RAD17: variants seen among roughly 807,000 people sequenced by gnomAD.
RAD17 encodes RAD17 checkpoint clamp loader component, also known as cell cycle checkpoint protein RAD17.
A neutral mutation model predicts 81.5 loss-of-function variants in RAD17; 31 were observed. The observed-to-expected ratio is 0.38, with a 90% CI of 0.29 to 0.51. The LOEUF (loss-of-function observed/expected upper bound fraction) is 0.51. RAD17 is among the 20% of genes least tolerant of loss of function. The pLI, the probability that RAD17 is intolerant of heterozygous loss-of-function variation, is 0.88. For missense variants in RAD17, 681 were observed against 781.2 expected, an observed-to-expected ratio of 0.87 and a Z score of 1.53; for synonymous variants, 261 against 266.2, an observed-to-expected ratio of 0.98 and a Z score of 0.19.
At chr5:69,398,534 C>G (rs1012633164) in intron 16 of RAD17, among the ~76,000 whole-genome samples, 8 of 151,950 alleles carry the variant, frequency 5.3e-5, no homozygotes, top group Admixed American at 3.9e-4. Context: ...CGGCTGGGCG[C>G]TGTGACTCAC....
chr5:69,390,797 A>AAT (rs4066044), intron 12 of RAD17, among the ~76,000 whole-genome samples: 233 of 150,634 alleles, frequency 1.5e-3, no homozygotes, highest in African/African-American at 5.3e-3. Flanking sequence ...TCTAATTAAA[A>AAT]ATATATATAT....
chr5:69,371,493 G>A lies in RAD17; in HGVS notation c.-240G>A. Reference sequence around the variant, plus strand: ...AATGTACTGCAAGTCCTAAACTACGGATGGGAACTATTACAGTTTATAATG... The same window carrying A: ...AATGTACTGCAAGTCCTAAACTACGAATGGGAACTATTACAGTTTATAATG... On this transcript the variant is annotated 5_prime_UTR_variant, in exon 3 of 19. Coordinates refer to ENST00000354868, the MANE Select transcript of RAD17 (RefSeq NM_133338.3). 7.2e-7 allele frequency: 1 copy of A among 1,387,062 alleles called. No homozygotes were observed. Among genetic ancestry groups the A allele is most frequent in the Admixed American group, 2.3e-5 (1 of 43,128 alleles). 85.9% of individuals were successfully genotyped at this position (1,387,062 alleles called of 1,614,324 possible).
chr5:69,369,848 G>C lies in RAD17; in HGVS notation c.-502G>C. 1.3e-6 allele frequency: 1 copy of C among 774,424 alleles called. No individual in the cohort carries two copies. The highest frequency in any genetic ancestry group is 2.7e-5 in the East Asian group (1 of 36,382). The allele number at this position is 774,424 out of a possible 1,614,324, so 48.0% of individuals were successfully genotyped here. ...TCCGAGAGGCTCGGCGTTGAGCCCGGGTAGGGCCAGGTGGCTGCCCTTTCA... is the reference window on the plus strand; with the variant it reads ...TCCGAGAGGCTCGGCGTTGAGCCCGCGTAGGGCCAGGTGGCTGCCCTTTCA... On this transcript the variant is annotated 5_prime_UTR_variant, in exon 1 of 19. Transcript: ENST00000354868.
chr5:69,386,396 T>A lies in RAD17; in HGVS notation c.825T>A (p.Ser275Arg). 6.3e-7 allele frequency: 1 copy of A among 1,597,354 alleles called. No individual in the cohort carries two copies. The highest frequency in any genetic ancestry group is 8.5e-7 in the Non-Finnish European group (1 of 1,174,052). Reference sequence around the variant, plus strand: ...TGCTATCTTTCTTTATAAAACTTAGTTTCAACCCTGTGGCACCAACAATTA... The same window carrying A: ...TGCTATCTTTCTTTATAAAACTTAGATTCAACCCTGTGGCACCAACAATTA... ...IQEECSISNI[S>R]FNPVAPTIMM... is the part of the protein sequence containing the mutation. The change falls in exon 11 of 19, where the codon AGT (serine) becomes AGA (arginine). Residue 275 changes from serine (S) to arginine (R), a missense_variant and splice_region_variant. Transcript: ENST00000354868.
intron 11 of RAD17, 93 bp from the exon 12 acceptor site, chr5:69,388,941 T>C: frequency 1.6e-6 from 1 of 630,018 alleles, no homozygotes; most frequent in Non-Finnish European, 2.5e-6. Flanking sequence ...GAATCTAATT[T>C]ACGTTAATTA....
intron 17 of RAD17, among the ~76,000 whole-genome samples, chr5:69,401,937 G>A (rs1561269654): frequency 2.1e-5 from 3 of 144,420 alleles, no homozygotes; most frequent in Admixed American, 1.4e-4. Context: ...CTGGGAGGCG[G>A]AGCTTGCAGT....
At position 69,371,160 on chromosome 5, in the gene RAD17, T is replaced by C. The variant is rs1324609491; in HGVS notation, c.-291T>C. The stretch of plus-strand genomic sequence containing the variant: ...TTGCTCAAATAGAATTGCCTGATTT[T>C]AATGACAAAAGGTAAGTACATAGTA... On this transcript the variant is annotated 5_prime_UTR_variant, in exon 2 of 19. Coordinates refer to ENST00000354868, the MANE Select transcript of RAD17 (RefSeq NM_133338.3). The C allele has an allele frequency of 2.0e-6, 1 of 498,946 alleles. No homozygotes were observed. The highest frequency in any genetic ancestry group is 3.9e-6 in the Non-Finnish European group (1 of 258,304). The allele number at this position is 498,946 out of a possible 1,614,324, so 30.9% of individuals were successfully genotyped here. A position where few individuals can be genotyped will look rare whatever the true frequency, so the allele number is the denominator to read the frequency against.
chr5:69,390,054 T>C (rs1159279834), intron 12 of RAD17, among the ~76,000 whole-genome samples: 1 of 152,196 alleles, frequency 6.6e-6, no homozygotes, highest in East Asian at 1.9e-4. Flanking sequence ...TGTAGAAAGA[T>C]GTAGTAAAAA....
At chr5:69,412,668 T>G (rs1766082284) in intron 18 of RAD17, among the ~76,000 whole-genome samples, 1 of 152,124 alleles carries the variant, frequency 6.6e-6, no homozygotes, top group South Asian at 2.1e-4. Flanking sequence ...CCACTGGGTT[T>G]TAAAAGTATC....
chr5:69,381,498 A>C (rs1420987580), intron 6 of RAD17, among the ~76,000 whole-genome samples: 1 of 152,000 alleles, frequency 6.6e-6, no homozygotes, highest in African/African-American at 2.4e-5. Context: ...AAAAAGAATA[A>C]ATTTTATGAG....
rs377383013 is a variant in RAD17 at position 69,386,926 on chromosome 5, C to CTT, written c.894+475_894+476dup. Among the ~76,000 whole-genome samples, 184 of 138,518 alleles carry CTT rather than the reference C, an allele frequency of 1.3e-3. 3 individuals are homozygous for CTT. Among genetic ancestry groups the CTT allele is most frequent in the East Asian group, 2.5e-3 (12 of 4,812 alleles). 90.9% of individuals were successfully genotyped at this position (138,518 alleles called of 152,430 possible). A position where few individuals can be genotyped will look rare whatever the true frequency, so the allele number is the denominator to read the frequency against. On this transcript the variant is annotated intron_variant, in intron 11 of 18. Coordinates refer to ENST00000354868, the MANE Select transcript of RAD17 (RefSeq NM_133338.3). ...TTACATTCATATACAGCTGTTGTCA[C>CTT]TTTTTTTTTTTTTTTGGAGACAGGG...
At chr5:69,401,839 A>AC (rs1289195963) in intron 17 of RAD17, among the ~76,000 whole-genome samples, 23 of 120,466 alleles carry the variant, frequency 1.9e-4, no homozygotes, top group Non-Finnish European at 3.4e-4. Flanking sequence ...TACAAAAAAA[A>AC]CCCACAAAAA....
At chr5:69,410,128 T>C (rs886418812) in intron 17 of RAD17, among the ~76,000 whole-genome samples, 7 of 152,210 alleles carry the variant, frequency 4.6e-5, no homozygotes, top group Admixed American at 1.3e-4. Context: ...CATACAAATA[T>C]CTTTTTGAGA....
chr5:69,370,012 G>C (rs1171185290), intron 1 of RAD17, 79 bp downstream of exon 1: 1 of 388,672 alleles, frequency 2.6e-6, no homozygotes, highest in African/African-American at 2.1e-5. Flanking sequence ...AGCTTTCCTG[G>C]GCTCTCGTCG....
intron 17 of RAD17, among the ~76,000 whole-genome samples, chr5:69,402,654 C>CAA (rs35516042): frequency 6.5e-4 from 81 of 123,870 alleles, no homozygotes; most frequent in Admixed American, 8.9e-4. Context: ...GACTCTGTCT[C>CAA]AAAAAAAAAA....
intron 6 of RAD17, among the ~76,000 whole-genome samples, chr5:69,379,160 C>T (rs772636499): frequency 2.0e-5 from 3 of 152,042 alleles, no homozygotes; most frequent in Non-Finnish European, 4.4e-5. Context: ...CACTTGAAAG[C>T]GGGTGGCGGA....
intron 1 of RAD17, chr5:69,370,687 A>C (rs1361989069): frequency 6.5e-6 from 1 of 152,778 alleles, no homozygotes; most frequent in South Asian, 2.0e-4. Context: ...TATTTACTCA[A>C]ATAGGTGTTT....
intron 7 of RAD17, 44 bp from the exon 8 acceptor site, chr5:69,384,753 A>AT: frequency 6.5e-7 from 1 of 1,536,258 alleles, no homozygotes. Context: ...ATATTAATGT[A>AT]TATCATTTGT....
rs748213513 is a variant in RAD17 at position 69,398,738 on chromosome 5, A to G, written c.1573-1311A>G. On this transcript the variant is annotated intron_variant, in intron 16 of 18. Transcript: ENST00000354868. Reference sequence around the variant, plus strand: ...GGAGAATCGCGTGAACCCGGGAGGCAGAAGTTGCAGTGAGCCGAGATCATG... The same window carrying G: ...GGAGAATCGCGTGAACCCGGGAGGCGGAAGTTGCAGTGAGCCGAGATCATG... Among the ~76,000 whole-genome samples the G allele has an allele frequency of 3.3e-5, 5 of 151,908 alleles. No homozygotes were observed. The South Asian group carries it at 8.3e-4, about 25-fold the overall frequency.
Sources: gnomAD v4.1 joint callset for allele counts (sites outside exome capture counted in the v4.1 genomes callset) on GRCh38, gnomAD v4.1.1 for gene constraint, MANE v1.5 for transcripts, NCBI Gene and HGNC (gene_info 2026-07-23, HGNC 2026-07-21) for gene names.